RBM10: variants seen among roughly 807,000 people sequenced by gnomAD.
RBM10 encodes RNA binding motif protein 10, also known as RNA-binding protein 10.
In RBM10, 1 loss-of-function variant was observed where a neutral mutation model predicts 84.9. The observed-to-expected ratio is 0.01, with a 90% CI of 0.00 to 0.06. The LOEUF (loss-of-function observed/expected upper bound fraction) is 0.06. RBM10 is among the 10% of genes least tolerant of loss of function. RBM10 has a pLI of 1.00. For synonymous variants in RBM10, 326 were observed against 344.5 expected, an observed-to-expected ratio of 0.95 and a Z score of 0.60; for missense variants, 438 against 839.0, an observed-to-expected ratio of 0.52 and a Z score of 5.90.
At chrX:47,149,523 G>C (rs1360831008) in intron 2 of RBM10, among the ~76,000 whole-genome samples, 5 of 110,147 alleles carry the variant, frequency 4.5e-5, no homozygotes, top group Non-Finnish European at 9.5e-5. Flanking sequence ...ACCACGCCTG[G>C]CTAATTTTGT....
At chrX:47,157,172 G>T in intron 2 of RBM10, 1 of 261,208 alleles carries the variant, frequency 3.8e-6, no homozygotes, top group Non-Finnish European at 7.3e-6. Flanking sequence ...GACCAATGAT[G>T]ACTCTGGCTT....
rs1933173575 is a variant in RBM10, at chrX:47,173,150, A to G, written c.455A>G (p.His152Arg). The G allele has an allele frequency of 8.2e-7, 1 of 1,212,155 alleles. No individual in the cohort carries two copies. The highest frequency in any genetic ancestry group is 1.1e-6 in the Non-Finnish European group (1 of 895,605). The change falls in exon 5 of 24, where the codon CAC becomes CGC. Residue 152 changes from histidine (H) to arginine (R), a missense_variant. Physicochemically the swap from His to Arg is conservative, Grantham distance 29. This residue lies in a region of RBM10 where 28 missense variants were observed against 98.6 expected (regional missense o/e 0.28). Transcript: ENST00000377604. The stretch of plus-strand genomic sequence containing the variant: ...TAGATCCGTGGCCAGCTGCAGTCGC[A>G]CGGCGTGCAAGCACGGGAGGTTCGG... The part of the protein sequence containing the change: ...EDDIRGQLQS[H>R]GVQAREVRLM...
intron 2 of RBM10, among the ~76,000 whole-genome samples, chrX:47,165,888 C>T (rs1556768792): frequency 9.1e-6 from 1 of 109,745 alleles, no homozygotes; most frequent in Non-Finnish European, 1.9e-5. Flanking sequence ...GGCGTGGCTG[C>T]GTGCATCTAT....
At chrX:47,152,996 G>A (rs972703641) in intron 2 of RBM10, among the ~76,000 whole-genome samples, 1 of 110,759 alleles carries the variant, frequency 9.0e-6, no homozygotes. Flanking sequence ...ACAGGCATGC[G>A]TCACCACACC....
intron 4 of RBM10, among the ~76,000 whole-genome samples, chrX:47,172,197 T>C (rs903455304): frequency 2.7e-5 from 3 of 112,404 alleles, no homozygotes; most frequent in Non-Finnish European, 5.6e-5. Context: ...CCAGGTCTCA[T>C]AGCCAGTGAG....
intron 17 of RBM10, among the ~76,000 whole-genome samples, chrX:47,183,123 A>G (rs1481024165): frequency 8.9e-6 from 1 of 112,269 alleles, no homozygotes; most frequent in Non-Finnish European, 1.9e-5. Context: ...GCATCATAAC[A>G]TGGCAAAGGG....
At chrX:47,157,647 T>G (rs1933275760) in intron 2 of RBM10, 2 of 517,015 alleles carry the variant, frequency 3.9e-6, no homozygotes, top group Non-Finnish European at 7.0e-6. Flanking sequence ...GATGTAGTCC[T>G]GAAACCTGTG....
intron 5 of RBM10, 118 bp from the exon 6 acceptor site, chrX:47,174,901 C>T (rs887776285): frequency 1.5e-4 from 84 of 549,016 alleles, no homozygotes; most frequent in Non-Finnish European, 2.6e-4. Context: ...TTCCTTTTTC[C>T]TCTTCCCCTT....
At chrX:47,148,174 G>A (rs1413633879) in intron 2 of RBM10, among the ~76,000 whole-genome samples, 2 of 111,959 alleles carry the variant, frequency 1.8e-5, no homozygotes, top group Non-Finnish European at 3.8e-5. Context: ...AATGTTTTAC[G>A]AAGTGTTTCT....
chrX:47,162,634 G>T (rs782498097), intron 2 of RBM10, among the ~76,000 whole-genome samples: 1 of 110,685 alleles, frequency 9.0e-6, no homozygotes, highest in South Asian at 3.9e-4. Flanking sequence ...CCAGCACTTT[G>T]GGAGGGCGAG....
In RBM10 at chrX:47,169,400, G is replaced by A. The variant is rs1556770750; in HGVS notation, c.103G>A (p.Asp35Asn). 2 of 1,211,757 alleles carry A rather than the reference G, an allele frequency of 1.7e-6. No individual in the cohort carries two copies. Residue 35 changes from aspartate to asparagine, a missense_variant, in exon 3 of 24, where the codon GAC (aspartate) becomes AAC (asparagine). Coordinates refer to ENST00000377604, the MANE Select transcript of RBM10 (RefSeq NM_005676.5). ...TGGGGAGAACCGCAGCCGAGACCAC[G>A]ACTACCGGGACATGGACTACCGTTC... ...DGGENRSRDH[D>N]YRDMDYRSYP...
At chrX:47,161,077 T>A (rs1351375596) in intron 2 of RBM10, among the ~76,000 whole-genome samples, 1 of 111,677 alleles carries the variant, frequency 9.0e-6, no homozygotes, top group Non-Finnish European at 1.9e-5. Flanking sequence ...CACCTCAGCC[T>A]CACACACAGC....
chrX:47,180,470 C>T lies in RBM10; in HGVS notation c.1212C>T (p.Ser404=), dbSNP rs2147180229. ...GCATCAGTGCTGCCTCTGTGGCCAG[C>T]ACTGCCATTGCTGCGGCCCAGTGGG... ...GSRISAASVA[S]TAIAAAQWAI... The change falls in exon 12 of 24, where the codon AGC becomes AGT. Residue 404 remains serine, a synonymous_variant. Transcript: ENST00000377604. The T allele has an allele frequency of 8.3e-7, 1 of 1,211,051 alleles. No homozygotes were observed. The highest frequency in any genetic ancestry group is 1.1e-6 in the Non-Finnish European group (1 of 895,316).
chrX:47,163,567 G>C (rs73630259), intron 2 of RBM10, among the ~76,000 whole-genome samples: 9,306 of 111,724 alleles, frequency 0.083, 953 homozygotes, highest in African/African-American at 0.29. Flanking sequence ...TGATCCGCCC[G>C]TCTTGGCCTC....
intron 2 of RBM10, among the ~76,000 whole-genome samples, chrX:47,155,801 C>G (rs782607424): frequency 3.6e-5 from 3 of 83,575 alleles, no homozygotes; most frequent in Non-Finnish European, 7.0e-5. Context: ...CTTTTTTTTT[C>G]TTCTTTCTTT....
At chrX:47,167,378 CTTT>C (rs59244074) in intron 2 of RBM10, among the ~76,000 whole-genome samples, 1 of 88,506 alleles carries the variant, frequency 1.1e-5, no homozygotes, top group Admixed American at 1.2e-4. Context: ...GATTTCATTT[CTTT>C]TTTTTTTTTT....
Position 47,182,213 on chromosome X carries a change from C to T in RBM10, c.1837C>T (p.Arg613Trp), listed in dbSNP as rs2147198623. 5.8e-6 allele frequency: 7 copies of T among 1,212,026 alleles called. No homozygotes were observed. Among genetic ancestry groups the T allele is most frequent in the Non-Finnish European group, 7.8e-6 (7 of 895,566 alleles). The change falls in exon 17 of 24, where the codon CGG becomes TGG. Residue 613 changes from arginine to tryptophan, a missense_variant. By Grantham distance (101) the Arg-to-Trp change is moderately radical. This residue lies in a region of RBM10 where 39 missense variants were observed against 119.5 expected (regional missense o/e 0.33). Transcript: ENST00000377604. ...GTACCTGTACTGGGATGGGGAGAGG[C>T]GGACCTATGTTCCCGCCCTGGAGCA... is the stretch of plus-strand genomic sequence containing the variant. Reference protein sequence around the residue: ...QQYLYWDGERRTYVPALEQSA... With the variant: ...QQYLYWDGERWTYVPALEQSA...
At chrX:47,180,356 T>TCCC in intron 11 of RBM10, 47 bp downstream of exon 11, 3 of 170,786 alleles carry the variant, frequency 1.8e-5, no homozygotes, top group South Asian at 5.9e-5. Context: ...CTCCCCACCC[T>TCCC]CCCACTCCCC....
chrX:47,169,434 G>A lies in RBM10; in HGVS notation c.137G>A (p.Arg46His), dbSNP rs782523524. The change falls in exon 3 of 24, where the codon CGC (arginine) becomes CAC (histidine). Residue 46 changes from arginine (R) to histidine (H), a missense_variant. Physicochemically the swap from Arg to His is conservative, Grantham distance 29. Around this residue, in one of 8 missense-constraint regions of RBM10, gnomAD observed 92 missense variants for 134.3 expected, o/e 0.69. Coordinates refer to ENST00000377604, the MANE Select transcript of RBM10 (RefSeq NM_005676.5). ...GACATGGACTACCGTTCATATCCTC[G>A]CGAGTATGGCAGCCAGGAGGGCAAG... is the stretch of plus-strand genomic sequence containing the variant. ...YRDMDYRSYP[R>H]EYGSQEGKHD... is the part of the protein sequence containing the mutation. 24 of 1,210,380 alleles carry A rather than the reference G, an allele frequency of 2.0e-5. No individual in the cohort carries two copies. The South Asian group carries it at 2.6e-4, about 13-fold the overall frequency.
Sources: gnomAD v4.1 joint callset for allele counts (sites outside exome capture counted in the v4.1 genomes callset) on GRCh38, gnomAD v4.1.1 for gene constraint, gnomAD v4.1.1 regional missense constraint, MANE v1.5 for transcripts, NCBI Gene and HGNC (gene_info 2026-07-23, HGNC 2026-07-21) for gene names.